NAV2: variants seen among roughly 807,000 people sequenced by gnomAD.
NAV2 encodes the protein neuron navigator 2.
A neutral mutation model predicts 223.2 loss-of-function variants in NAV2; 54 were observed. The ratio of observed to expected loss-of-function variants is 0.24; its 90% CI spans 0.19 to 0.30. NAV2 has a LOEUF of 0.30. Among genes scored for constraint, NAV2 ranks in the 10% least tolerant of loss-of-function variants. NAV2 has a pLI of 1.00. For synonymous variants in NAV2, 1,279 were observed against 1,239.3 expected (o/e 1.03, Z -0.67); for missense variants, 2,806 against 3,147.5 (o/e 0.89, Z 2.60).
intron 15 of NAV2, 94 bp from the exon 16 acceptor site, chr11:20,049,742 A>G (rs1797749993): frequency 8.4e-7 from 1 of 1,195,580 alleles, no homozygotes. Flanking sequence ...AGCGAGGATC[A>G]GCATGGGGAA....
At chr11:19,910,815 G>T (rs2043244901) in intron 6 of NAV2, among the ~76,000 whole-genome samples, 1 of 152,122 alleles carries the variant, frequency 6.6e-6, no homozygotes, top group African/African-American at 2.4e-5. Flanking sequence ...CCGAGATAGT[G>T]CCACTGCACT....
At chr11:19,370,173 CT>C (rs1285229852) in intron 1 of NAV2, among the ~76,000 whole-genome samples, 4 of 152,194 alleles carry the variant, frequency 2.6e-5, no homozygotes, top group Admixed American at 2.6e-4. Context: ...CCAGTCACCC[CT>C]GCGACCTTTC....
At chr11:19,492,770 A>G (rs190466680) in intron 1 of NAV2, among the ~76,000 whole-genome samples, 1 of 152,366 alleles carries the variant, frequency 6.6e-6, no homozygotes, top group Non-Finnish European at 1.5e-5. Context: ...AAAGGCTATA[A>G]TAAGACAAAT....
chr11:19,621,553 G>A (rs760932418), intron 1 of NAV2, among the ~76,000 whole-genome samples: 13 of 152,112 alleles, frequency 8.5e-5, no homozygotes, highest in African/African-American at 1.4e-4. Context: ...AGAGGTGTTC[G>A]TAATATTCTC....
At chr11:19,543,696 T>A in intron 1 of NAV2, among the ~76,000 whole-genome samples, 1 of 152,222 alleles carries the variant, frequency 6.6e-6, no homozygotes, top group East Asian at 1.9e-4. Flanking sequence ...CTTCATAGGA[T>A]CATTCAGCGT....
At chr11:19,590,281 T>C (rs564678500) in intron 1 of NAV2, among the ~76,000 whole-genome samples, 2 of 152,312 alleles carry the variant, frequency 1.3e-5, no homozygotes, top group Middle Eastern at 6.8e-3. Flanking sequence ...TTGGACTAGC[T>C]TAGGGGGTTT....
At chr11:19,941,476 T>C (rs1205001873) in intron 8 of NAV2, among the ~76,000 whole-genome samples, 1 of 114,364 alleles carries the variant, frequency 8.7e-6, no homozygotes, top group Non-Finnish European at 1.7e-5. Flanking sequence ...GAATTTAACT[T>C]ACCCACAGCC....
At position 20,002,570 on chromosome 11, in the gene NAV2, A is replaced by T. The variant is rs184933796; in HGVS notation, c.2768+18323A>T. Among the ~76,000 whole-genome samples, 313 of 152,224 alleles carry T rather than the reference A, an allele frequency of 2.1e-3. 3 individuals are homozygous for T. The highest frequency in any genetic ancestry group is 7.2e-3 in the African/African-American group (299 of 41,514). On this transcript the variant is annotated intron_variant, in intron 11 of 37. Coordinates refer to ENST00000349880, the MANE Select transcript of NAV2 (RefSeq NM_145117.5). ...GTGGGAGTTATAGGTGGTGAGGGAGAGAAACAGCAGTCCCGGTTTGGTAGA... is the reference window on the plus strand; with the variant it reads ...GTGGGAGTTATAGGTGGTGAGGGAGTGAAACAGCAGTCCCGGTTTGGTAGA...
intron 1 of NAV2, among the ~76,000 whole-genome samples, chr11:19,440,685 C>T (rs72892136): frequency 6.6e-6 from 1 of 152,298 alleles, no homozygotes; most frequent in Non-Finnish European, 1.5e-5. Flanking sequence ...CAAGCCATGG[C>T]TGTCTTGTTA....
At chr11:19,810,869 G>T (rs1463694343) in intron 1 of NAV2, among the ~76,000 whole-genome samples, 1 of 152,126 alleles carries the variant, frequency 6.6e-6, no homozygotes, top group Non-Finnish European at 1.5e-5. Flanking sequence ...TTTCTCCTTT[G>T]TACCTTTTGT....
chr11:20,035,733 G>A (rs1358576147), intron 11 of NAV2, among the ~76,000 whole-genome samples: 1 of 152,234 alleles, frequency 6.6e-6, no homozygotes, highest in East Asian at 1.9e-4. Flanking sequence ...TGCTATGGAA[G>A]CACTTAGTTT....
chr11:20,049,233 C>T (rs765222938), intron 15 of NAV2, 38 bp downstream of exon 15: 15 of 1,397,632 alleles, frequency 1.1e-5, no homozygotes, highest in African/African-American at 1.0e-4. Flanking sequence ...CTCAGAAAGA[C>T]ACCCTTCCAA....
chr11:19,411,763 C>T (rs1298062725), intron 1 of NAV2, among the ~76,000 whole-genome samples: 1 of 152,136 alleles, frequency 6.6e-6, no homozygotes, highest in East Asian at 1.9e-4. Context: ...GAAGAGAGAG[C>T]TTCAATTTGT....
intron 1 of NAV2, among the ~76,000 whole-genome samples, chr11:19,487,844 C>T (rs2042496328): frequency 1.6e-5 from 1 of 63,470 alleles, no homozygotes; most frequent in African/African-American, 3.8e-5. Context: ...TTGATTTCAG[C>T]CTGTAAGAGA....
intron 1 of NAV2, among the ~76,000 whole-genome samples, chr11:19,406,351 G>A (rs1849895686): frequency 2.0e-5 from 3 of 152,164 alleles, no homozygotes; most frequent in Admixed American, 2.0e-4. Context: ...TAGGACGTGG[G>A]AAGACTAAAC....
chr11:19,411,672 T>C (rs1455404906), intron 1 of NAV2, among the ~76,000 whole-genome samples: 3 of 152,144 alleles, frequency 2.0e-5, no homozygotes, highest in African/African-American at 4.8e-5. Flanking sequence ...ACCAAGAGCA[T>C]AGCCAGCTGT....
At chr11:20,016,040 A>G (rs1249593167) in intron 11 of NAV2, among the ~76,000 whole-genome samples, 2 of 152,208 alleles carry the variant, frequency 1.3e-5, no homozygotes, top group Non-Finnish European at 1.5e-5. Context: ...TCTTTTTCAT[A>G]ACATGGGGAT....
At chr11:20,040,559 C>T (rs987800437) in intron 12 of NAV2, among the ~76,000 whole-genome samples, 2 of 152,220 alleles carry the variant, frequency 1.3e-5, no homozygotes, top group African/African-American at 2.4e-5. Flanking sequence ...AAAGCCCACA[C>T]TCTTCCCCCA....
At chr11:20,042,576 G>A (rs1218702152) in intron 12 of NAV2, among the ~76,000 whole-genome samples, 1 of 152,140 alleles carries the variant, frequency 6.6e-6, no homozygotes, top group Admixed American at 6.5e-5. Flanking sequence ...GAAGGGGTTG[G>A]GGTGGTGTTG....
Sources: allele counts gnomAD v4.1 joint callset (sites outside exome capture counted in the v4.1 genomes callset), GRCh38; gene constraint gnomAD v4.1.1; transcripts MANE v1.5; gene names NCBI Gene and HGNC (gene_info 2026-07-23, HGNC 2026-07-21).